TMTC2: variants seen among roughly 807,000 people sequenced by gnomAD.
TMTC2 encodes protein O-mannosyl-transferase TMTC2.
In TMTC2, 43 loss-of-function variants were observed where a neutral mutation model predicts 82.4. The ratio of observed to expected loss-of-function variants is 0.52; its 90% CI spans 0.41 to 0.67. The LOEUF (loss-of-function observed/expected upper bound fraction) is 0.67. Ranked by LOEUF, TMTC2 falls within the 30% of genes least tolerant of loss-of-function variation. The pLI, the probability that TMTC2 is intolerant of heterozygous loss-of-function variation, is 0.00. For synonymous variants in TMTC2, 408 were observed against 381.9 expected (o/e 1.07, Z -0.80); for missense variants, 919 against 1,012.4 (o/e 0.91, Z 1.25).
chr12:83,052,568 C>T (rs1882390703), intron 10 of TMTC2, among the ~76,000 whole-genome samples: 1 of 152,078 alleles, frequency 6.6e-6, no homozygotes, highest in Admixed American at 6.5e-5. Context: ...CTTTCAGCCA[C>T]AATAAACAAT....
chr12:82,933,522 A>C (rs140934686), intron 4 of TMTC2, among the ~76,000 whole-genome samples: 96 of 152,266 alleles, frequency 6.3e-4, no homozygotes, highest in African/African-American at 2.3e-3. Context: ...AAGAGAAGGA[A>C]ATTGCTTTGC....
intron 4 of TMTC2, among the ~76,000 whole-genome samples, chr12:82,957,078 C>T (rs1032480329): frequency 3.9e-5 from 6 of 152,118 alleles, no homozygotes; most frequent in Non-Finnish European, 8.8e-5. Flanking sequence ...ACCCAATATA[C>T]ATTCTTCTCA....
At chr12:82,816,253 A>G (rs996161293) in intron 1 of TMTC2, among the ~76,000 whole-genome samples, 7 of 151,892 alleles carry the variant, frequency 4.6e-5, no homozygotes, top group African/African-American at 1.7e-4. Flanking sequence ...GACATTGGGA[A>G]AACCTAAATC....
chr12:82,981,220 T>C (rs1878900861), intron 7 of TMTC2, among the ~76,000 whole-genome samples: 1 of 151,876 alleles, frequency 6.6e-6, no homozygotes, highest in South Asian at 2.1e-4. Flanking sequence ...AATTAGGAAA[T>C]CTATACTGTC....
intron 1 of TMTC2, among the ~76,000 whole-genome samples, chr12:82,694,785 T>TA (rs151273920): frequency 0.21 from 31,294 of 149,132 alleles, 3,424 homozygotes; most frequent in South Asian, 0.26. Context: ...AGATTTAAGT[T>TA]AAAAAAAAAA....
At chr12:82,735,062 A>G (rs1329370418) in intron 1 of TMTC2, among the ~76,000 whole-genome samples, 1 of 152,222 alleles carries the variant, frequency 6.6e-6, no homozygotes, top group African/African-American at 2.4e-5. Flanking sequence ...ATACTTATTG[A>G]ATCCTAAACC....
At chr12:83,126,603 C>T (rs1319549411) in intron 11 of TMTC2, among the ~76,000 whole-genome samples, 2 of 151,850 alleles carry the variant, frequency 1.3e-5, no homozygotes, top group East Asian at 1.9e-4. Context: ...GGATAAAATT[C>T]GAAGACAGAT....
At chr12:83,023,156 A>T (rs10862552) in intron 8 of TMTC2, among the ~76,000 whole-genome samples, 1 of 151,756 alleles carries the variant, frequency 6.6e-6, no homozygotes. Context: ...ATAGCGTGTC[A>T]TATGAACACC....
At chr12:82,986,128 C>T (rs1017414523) in intron 8 of TMTC2, 82 bp downstream of exon 8, 1 of 1,582,024 alleles carries the variant, frequency 6.3e-7, no homozygotes, top group South Asian at 1.1e-5. Flanking sequence ...TACTGTTTTA[C>T]AGCCAGTTAT....
chr12:82,914,179 AT>A (rs1157340808), intron 3 of TMTC2, among the ~76,000 whole-genome samples: 1 of 152,220 alleles, frequency 6.6e-6, no homozygotes, highest in Non-Finnish European at 1.5e-5. Flanking sequence ...CGTGCCCAAG[AT>A]TTTTGCATAT....
intron 1 of TMTC2, among the ~76,000 whole-genome samples, chr12:82,837,103 G>A (rs184956936): frequency 1.4e-4 from 21 of 152,286 alleles, no homozygotes; most frequent in South Asian, 1.2e-3. Flanking sequence ...AAAAACTGAA[G>A]CCTATTCTTG....
intron 8 of TMTC2, among the ~76,000 whole-genome samples, chr12:82,989,817 C>A (rs1879326166): frequency 6.6e-6 from 1 of 151,426 alleles, no homozygotes; most frequent in East Asian, 1.9e-4. Flanking sequence ...AGGAAAGACT[C>A]CTATACTACA....
chr12:82,808,849 G>A (rs1316148526), intron 1 of TMTC2, among the ~76,000 whole-genome samples: 2 of 151,706 alleles, frequency 1.3e-5, no homozygotes, highest in Admixed American at 1.3e-4. Flanking sequence ...TCTATAATCA[G>A]CCTTTTGTTT....
chr12:83,114,261 A>G lies in TMTC2; in HGVS notation c.2332-17949A>G, dbSNP rs1014826982. Among the ~76,000 whole-genome samples the G allele has an allele frequency of 9.7e-5, 10 of 103,024 alleles. No homozygotes were observed. The East Asian group carries it at 2.1e-3, about 22-fold the overall frequency. The allele number at this position is 103,024 out of a possible 152,430, so 67.6% of individuals were successfully genotyped here. A position where few individuals can be genotyped will look rare whatever the true frequency, so the allele number is the denominator to read the frequency against. Reference sequence around the variant, plus strand: ...CTCAAGATGCGAGTAAATCCCTTGTAAAAAAAAAATAGTAAGAGGAAACAC... The same window carrying G: ...CTCAAGATGCGAGTAAATCCCTTGTGAAAAAAAAATAGTAAGAGGAAACAC... On this transcript the variant is annotated intron_variant, in intron 11 of 11. Coordinates refer to ENST00000321196, the MANE Select transcript of TMTC2 (RefSeq NM_152588.3).
chr12:82,689,095 A>G (rs746766889), intron 1 of TMTC2, among the ~76,000 whole-genome samples: 8 of 152,210 alleles, frequency 5.3e-5, no homozygotes, highest in Non-Finnish European at 1.0e-4. Context: ...GCTCTGAGAA[A>G]TGGTCTGTAG....
chr12:82,705,452 G>C (rs567109444), intron 1 of TMTC2, among the ~76,000 whole-genome samples: 3 of 152,280 alleles, frequency 2.0e-5, no homozygotes, highest in African/African-American at 7.2e-5. Context: ...TTATGTCAGA[G>C]GCCAGAAATG....
intron 8 of TMTC2, among the ~76,000 whole-genome samples, chr12:83,024,675 C>A (rs1234260784): frequency 6.6e-6 from 1 of 152,070 alleles, no homozygotes; most frequent in African/African-American, 2.4e-5. Context: ...GTTGATATTC[C>A]TACTGATGCT....
intron 8 of TMTC2, among the ~76,000 whole-genome samples, chr12:83,004,740 T>A (rs1880085354): frequency 2.2e-5 from 2 of 92,998 alleles, no homozygotes; most frequent in Non-Finnish European, 4.1e-5. Flanking sequence ...TTTTTTTTTT[T>A]TTTTTTTTTT....
At chr12:82,964,884 T>C in intron 4 of TMTC2, 140 bp from the exon 5 acceptor site, 1 of 507,186 alleles carries the variant, frequency 2.0e-6, no homozygotes, top group Non-Finnish European at 3.5e-6. Flanking sequence ...TCCTTATATT[T>C]AGAATTTATT....
Sources: allele counts gnomAD v4.1 joint callset (sites outside exome capture counted in the v4.1 genomes callset), GRCh38; gene constraint gnomAD v4.1.1; transcripts MANE v1.5; gene names NCBI Gene and HGNC (gene_info 2026-07-23, HGNC 2026-07-21).